TFDP2: variants seen among roughly 807,000 people sequenced by gnomAD.
TFDP2 encodes transcription factor Dp-2, also known as transcription factor Dp-2 (E2F dimerization partner 2).
TFDP2 carries 17 observed loss-of-function variants against 59.3 expected under a neutral mutation model. The observed-to-expected ratio is 0.29, with a 90% CI of 0.20 to 0.43. The LOEUF (loss-of-function observed/expected upper bound fraction) is 0.43. Ranked by LOEUF, TFDP2 falls within the 20% of genes least tolerant of loss-of-function variation. TFDP2 has a pLI of 1.00. For synonymous variants in TFDP2, 180 were observed against 194.7 expected (o/e 0.92, Z 0.63); for missense variants, 391 against 528.8 (o/e 0.74, Z 2.56).
chr3:142,067,721 G>C (rs925878887), intron 3 of TFDP2, among the ~76,000 whole-genome samples: 1 of 152,138 alleles, frequency 6.6e-6, no homozygotes, highest in Non-Finnish European at 1.5e-5. Flanking sequence ...ACTGACTGTA[G>C]GTCGGGCATG....
intron 4 of TFDP2, among the ~76,000 whole-genome samples, chr3:142,003,249 T>C (rs145528333): frequency 0.07 from 10,591 of 152,096 alleles, 461 homozygotes; most frequent in Non-Finnish European, 0.1. Context: ...TCCACCCACC[T>C]TGGCCTCCCA....
chr3:141,994,890 A>G (rs1943116562), intron 5 of TFDP2, 130 bp downstream of exon 5: 8 of 680,810 alleles, frequency 1.2e-5, no homozygotes, highest in Admixed American at 3.4e-5. Flanking sequence ...GAAATAAAAT[A>G]GGTGATTTTA....
intron 6 of TFDP2, among the ~76,000 whole-genome samples, chr3:141,987,469 G>T (rs1049208794): frequency 6.6e-6 from 1 of 151,316 alleles, no homozygotes; most frequent in Admixed American, 6.6e-5. Flanking sequence ...TTTTAGTAGA[G>T]ACTGGGTTTC....
rs2062033738 is a variant in TFDP2 at position 142,121,218 on chromosome 3, T to C, written c.-92-19377A>G. On this transcript the variant is annotated intron_variant, in intron 1 of 12. Coordinates refer to ENST00000489671, the MANE Select transcript of TFDP2 (RefSeq NM_001178139.2). The surrounding 1 kb of genome is among the most constrained non-coding windows in gnomAD (Gnocchi z 4.3). ...GGACTAATGAGAGTCAGGCTATTTA[T>C]TTATTCAACAAACATTTAGTCAATG... Among the ~76,000 whole-genome samples, 1 of 152,184 alleles carries C rather than the reference T, an allele frequency of 6.6e-6. No individual in the cohort carries two copies. Among genetic ancestry groups the C allele is most frequent in the Admixed American group, 6.6e-5 (1 of 15,264 alleles).
At chr3:141,985,738 A>G (rs1339262629) in intron 6 of TFDP2, among the ~76,000 whole-genome samples, 2 of 152,136 alleles carry the variant, frequency 1.3e-5, no homozygotes, top group Non-Finnish European at 2.9e-5. Flanking sequence ...ACACAAAAGC[A>G]TAAGTAACAC....
At chr3:142,047,854 G>A (rs1431120450) in intron 3 of TFDP2, among the ~76,000 whole-genome samples, 1 of 150,086 alleles carries the variant, frequency 6.7e-6, no homozygotes, top group Admixed American at 6.7e-5. Flanking sequence ...TGATTCTCCT[G>A]CCTCAGCCTG....
At chr3:142,034,900 G>T (rs1335226319) in intron 3 of TFDP2, among the ~76,000 whole-genome samples, 4 of 151,908 alleles carry the variant, frequency 2.6e-5, no homozygotes, top group African/African-American at 9.7e-5. Flanking sequence ...TAGTGACAGG[G>T]TTTCACCGTG....
intron 7 of TFDP2, among the ~76,000 whole-genome samples, chr3:141,977,405 CA>C (rs202181685): frequency 0.079 from 8,462 of 106,612 alleles, 275 homozygotes; most frequent in Middle Eastern, 0.15. Flanking sequence ...GACCTCATAT[CA>C]AAAAAAAAAA....
At chr3:142,078,572 C>T (rs2060539496) in intron 3 of TFDP2, among the ~76,000 whole-genome samples, 1 of 152,232 alleles carries the variant, frequency 6.6e-6, no homozygotes, top group African/African-American at 2.4e-5. Flanking sequence ...CACAGCATTA[C>T]TGGGTTTAAG....
intron 3 of TFDP2, among the ~76,000 whole-genome samples, chr3:142,052,668 G>A (rs925348407): frequency 2.6e-5 from 4 of 151,980 alleles, no homozygotes; most frequent in Non-Finnish European, 5.9e-5. Flanking sequence ...GGGCTCAAGG[G>A]ATTCTCCCAC....
At chr3:141,968,785 T>C (rs1415969125) in intron 9 of TFDP2, among the ~76,000 whole-genome samples, 2 of 80,476 alleles carry the variant, frequency 2.5e-5, no homozygotes, top group African/African-American at 1.0e-4. Flanking sequence ...TATATAGATA[T>C]ATATAACACA....
At chr3:142,101,655 C>A in intron 2 of TFDP2, 80 bp downstream of exon 2, 1 of 929,860 alleles carries the variant, frequency 1.1e-6, no homozygotes, top group Non-Finnish European at 1.5e-6. Context: ...TCTGGTTAAC[C>A]AGAATGGTGA....
At chr3:141,952,755 CA>C in intron 12 of TFDP2, 59 bp from the exon 13 acceptor site, 1 of 1,598,300 alleles carries the variant, frequency 6.3e-7, no homozygotes. Flanking sequence ...TTTTGTAAAA[CA>C]TAGGAATAAA....
chr3:142,143,738 AAGAC>A (rs1429342753), intron 1 of TFDP2, among the ~76,000 whole-genome samples: 2 of 152,196 alleles, frequency 1.3e-5, no homozygotes, highest in East Asian at 1.9e-4. Context: ...TTATATCCAA[AAGAC>A]AGACAGTAAC....
At position 141,952,609 on chromosome 3, in the gene TFDP2, C is replaced by T. The variant is rs781221091; in HGVS notation, c.1245G>A (p.Ala415=). The part of the protein sequence containing the change: ...LAPNSHQSSS[A]ASHCSESRGE... Reference sequence around the variant, plus strand: ...CTCGGGACTCGGAGCAGTGAGAGGCCGCACTGCTGGACTGGTGACTGTTTG... The same window carrying T: ...CTCGGGACTCGGAGCAGTGAGAGGCTGCACTGCTGGACTGGTGACTGTTTG... The change falls in exon 13 of 13, where the codon GCG becomes GCA. Residue 415 remains alanine, a synonymous_variant. Transcript: ENST00000489671. 5.1e-6 allele frequency: 8 copies of T among 1,582,432 alleles called. No individual in the cohort carries two copies. Among genetic ancestry groups the T allele is most frequent in the South Asian group, 2.4e-5 (2 of 84,992 alleles).
intron 3 of TFDP2, among the ~76,000 whole-genome samples, chr3:142,023,100 C>T (rs1251641791): frequency 1.6e-5 from 2 of 121,276 alleles, no homozygotes; most frequent in African/African-American, 3.3e-5. Flanking sequence ...AGCCTGGCAA[C>T]GCAGTGAGAC....
At chr3:142,072,020 G>T (rs765603293) in intron 3 of TFDP2, among the ~76,000 whole-genome samples, 20 of 152,112 alleles carry the variant, frequency 1.3e-4, no homozygotes, top group Non-Finnish European at 2.9e-4. Flanking sequence ...ATCACCTGGG[G>T]AGAATACACA....
chr3:141,957,329 T>C (rs974691594), intron 11 of TFDP2, among the ~76,000 whole-genome samples: 14 of 151,954 alleles, frequency 9.2e-5, no homozygotes, highest in Non-Finnish European at 1.5e-5. Context: ...AATAAGTAAG[T>C]AAGGATGTGG....
At position 142,079,535 on chromosome 3, in the gene TFDP2, C is replaced by T. The variant is rs142014659; in HGVS notation, c.82+13526G>A. 4.8e-3 allele frequency among the ~76,000 whole-genome samples: 737 copies of T among 152,150 alleles called. 10 individuals are homozygous for T. The highest frequency in any genetic ancestry group is 0.017 in the African/African-American group (709 of 41,518). On this transcript the variant is annotated intron_variant, in intron 3 of 12. Coordinates refer to ENST00000489671, the MANE Select transcript of TFDP2 (RefSeq NM_001178139.2). ...AGAGAGAGATATCAACATTCAAGTA[C>T]AAGAAGTTTATAGAACACCAAGCTG...
Sources: allele counts gnomAD v4.1 joint callset (sites outside exome capture counted in the v4.1 genomes callset), GRCh38; gene constraint gnomAD v4.1.1; non-coding constraint Gnocchi (gnomAD v3.1); transcripts MANE v1.5; gene names NCBI Gene and HGNC (gene_info 2026-07-23, HGNC 2026-07-21).